Variants in DNAH17 observed in about 807,000 individuals in gnomAD.
The protein encoded by DNAH17 is dynein axonemal heavy chain 17.
In DNAH17, 376 loss-of-function variants were observed where a neutral mutation model predicts 485.6. That is an observed-to-expected ratio of 0.77 (90% CI 0.71 to 0.84). The LOEUF is 0.84. DNAH17 is among the 40% of genes least tolerant of loss of function. The pLI is 0.00. For synonymous variants in DNAH17, 3,031 were observed against 2,405.9 expected, an observed-to-expected ratio of 1.26 and a Z score of -7.60; for missense variants, 6,370 against 5,839.3, an observed-to-expected ratio of 1.09 and a Z score of -2.96.
At chr17:78,546,235 G>A (rs1012277889) in intron 16 of DNAH17, among the ~76,000 whole-genome samples, 1 of 152,164 alleles carries the variant, frequency 6.6e-6, no homozygotes, top group Admixed American at 6.5e-5. Context: ...TGTGAGAACT[G>A]CCATCTTTTA....
chr17:78,427,212 AGAG>A (rs1301764690), intron 77 of DNAH17, 104 bp from the exon 78 acceptor site: 3 of 1,142,666 alleles, frequency 2.6e-6, no homozygotes, highest in Non-Finnish European at 3.8e-6. Context: ...CAAGTCCTGG[AGAG>A]GAGGGAAGAG....
At chr17:78,478,219 CACCACATCACCATCACCACCATCAT>C (rs2089166818) in intron 51 of DNAH17, among the ~76,000 whole-genome samples, 1 of 148,522 alleles carries the variant, frequency 6.7e-6, no homozygotes, top group African/African-American at 2.5e-5. Flanking sequence ...CCACCATCAT[CACCACATCACCATCACCACCATCAT>C]CACCACCATC....
chr17:78,431,359 C>T (rs77641301), intron 75 of DNAH17, among the ~76,000 whole-genome samples: 168 of 152,260 alleles, frequency 1.1e-3, no homozygotes, highest in African/African-American at 3.9e-3. Flanking sequence ...CCCCTCTCCC[C>T]CTCCTGGCCC....
intron 80 of DNAH17, 41 bp from the exon 81 acceptor site, chr17:78,424,194 T>C: frequency 1.3e-6 from 2 of 1,573,926 alleles, no homozygotes; most frequent in Non-Finnish European, 1.7e-6. Flanking sequence ...GTGCTGCCAG[T>C]AAGTGAGGGA....
intron 16 of DNAH17, among the ~76,000 whole-genome samples, chr17:78,545,950 CTG>C (rs1345173841): frequency 1.3e-5 from 2 of 150,278 alleles, no homozygotes; most frequent in Non-Finnish European, 3.0e-5. Flanking sequence ...GTATATATGT[CTG>C]TGAATAAGAC....
Position 78,507,722 on chromosome 17 carries a change from C to T in DNAH17, c.4320G>A (p.Lys1440=). 1 of 1,606,548 alleles carries T rather than the reference C, an allele frequency of 6.2e-7. No individual in the cohort carries two copies. The highest frequency in any genetic ancestry group is 8.5e-7 in the Non-Finnish European group (1 of 1,179,310). ...GCGTCTCCACCAGCACCTCGCTGGACTTGAGCATCATGGTGCCTGTCCGCG... is the reference window on the plus strand; with the variant it reads ...GCGTCTCCACCAGCACCTCGCTGGATTTGAGCATCATGGTGCCTGTCCGCG... ...PHPRTGTMML[K]SSEVLVETLE... is the part of the protein sequence containing the mutation. The change falls in exon 28 of 81, where the codon AAG becomes AAA. Residue 1440 remains lysine, a synonymous_variant. Coordinates refer to ENST00000389840, the MANE Select transcript of DNAH17 (RefSeq NM_173628.4).
At chr17:78,559,583 T>TC (rs2092106750) in intron 13 of DNAH17, among the ~76,000 whole-genome samples, 1 of 152,148 alleles carries the variant, frequency 6.6e-6, no homozygotes, top group Non-Finnish European at 1.5e-5. Context: ...GCCAACAGGC[T>TC]CCCAACTGAT....
chr17:78,518,348 T>G (rs1443327582), intron 25 of DNAH17, among the ~76,000 whole-genome samples: 1 of 151,856 alleles, frequency 6.6e-6, no homozygotes, highest in Non-Finnish European at 1.5e-5. Context: ...CAGAAGTAGC[T>G]ATACTAGTAT....
chr17:78,564,476 C>T (rs2092227318), intron 11 of DNAH17, among the ~76,000 whole-genome samples: 1 of 151,942 alleles, frequency 6.6e-6, no homozygotes, highest in Non-Finnish European at 1.5e-5. Flanking sequence ...GCCCGCCCAG[C>T]CCATAAGCCT....
At chr17:78,556,704 A>C (rs2092030812) in intron 14 of DNAH17, among the ~76,000 whole-genome samples, 1 of 152,208 alleles carries the variant, frequency 6.6e-6, no homozygotes, top group African/African-American at 2.4e-5. Context: ...CTGATTGTAC[A>C]GGGATGTTTG....
rs118015264 is a variant in DNAH17, at chr17:78,501,883, A to G, written c.5191-10T>C. The G allele has an allele frequency of 2.5e-3, 3,991 of 1,613,788 alleles. 97 individuals are homozygous for G. In the East Asian group the frequency reaches 0.052, roughly 21 times the overall value. On this transcript the variant is annotated splice_polypyrimidine_tract_variant and intron_variant, in intron 33 of 80. Coordinates refer to ENST00000389840, the MANE Select transcript of DNAH17 (RefSeq NM_173628.4). ...CGTTCAGCTGGCTAATCTGCGGGGG[A>G]GAGTGCCTTCGATGAGACACCACGG...
chr17:78,562,144 G>A (rs2092170863), intron 11 of DNAH17, among the ~76,000 whole-genome samples, 164 bp from the exon 12 acceptor site: 1 of 152,354 alleles, frequency 6.6e-6, no homozygotes, highest in African/African-American at 2.4e-5. Flanking sequence ...AACTGGCTCA[G>A]TGGAAGCCTC....
chr17:78,562,771 CT>C (rs2092184751), intron 11 of DNAH17, among the ~76,000 whole-genome samples: 1 of 152,236 alleles, frequency 6.6e-6, no homozygotes, highest in Non-Finnish European at 1.5e-5. Flanking sequence ...AGCACTGCCA[CT>C]CTCAAGGGCA....
chr17:78,446,060 G>C (rs1421998775), intron 69 of DNAH17, among the ~76,000 whole-genome samples: 1 of 150,346 alleles, frequency 6.7e-6, no homozygotes, highest in Non-Finnish European at 1.5e-5. Flanking sequence ...TGTAGTCCTA[G>C]CTACTCGGGA....
intron 56 of DNAH17, 101 bp from the exon 57 acceptor site, chr17:78,463,178 A>C (rs781512730): frequency 5.6e-6 from 6 of 1,070,832 alleles, no homozygotes; most frequent in African/African-American, 1.6e-5. Context: ...AGGTGCCCTG[A>C]GACCGCTCTC....
chr17:78,476,678 A>T lies in DNAH17; in HGVS notation c.8048T>A (p.Leu2683His), dbSNP rs553690445. Residue 2683 changes from leucine to histidine, a missense_variant, in exon 52 of 81, where the codon CTT (leucine) becomes CAT (histidine). Coordinates refer to ENST00000389840, the MANE Select transcript of DNAH17 (RefSeq NM_173628.4). ...VLKTPLDLVR[L>H]WLHETERVYG... The stretch of plus-strand genomic sequence containing the variant: ...CACTCGTTCAGTCTCATGTAGCCAA[A>T]GGCGGACGAGGTCCAGTGGGGTTTT... 28 of 1,613,038 alleles carry T rather than the reference A, an allele frequency of 1.7e-5. No homozygotes were observed. Among genetic ancestry groups the T allele is most frequent in the Middle Eastern group, 1.7e-4 (1 of 6,060 alleles).
intron 23 of DNAH17, 39 bp from the exon 24 acceptor site, chr17:78,526,776 C>T (rs746477371): frequency 1.1e-5 from 18 of 1,570,978 alleles, no homozygotes; most frequent in African/African-American, 2.7e-5. Flanking sequence ...AGTCACGGGG[C>T]GGCCACCTGC....
chr17:78,436,593 C>T (rs2086856885), intron 74 of DNAH17, among the ~76,000 whole-genome samples: 1 of 151,994 alleles, frequency 6.6e-6, no homozygotes. Flanking sequence ...ACAAGAGTGG[C>T]CAAGATTTGG....
Position 78,432,208 on chromosome 17 carries a change from T to TAAATAAATA in DNAH17, c.12225+1820_12225+1821insTATTTATTT, listed in dbSNP as rs1568042479. On this transcript the variant is annotated intron_variant, in intron 75 of 80. Transcript: ENST00000389840. ...TAAATAAATAAATAAATAAATAAAA[T>TAAATAAATA]AAATAAAAATTAAAAAAAAAATTCT... Among the ~76,000 whole-genome samples the TAAATAAATA allele has an allele frequency of 7.8e-3, 1,149 of 146,878 alleles. 7 individuals are homozygous for TAAATAAATA. The highest frequency in any genetic ancestry group is 0.029 in the Middle Eastern group (8 of 278).
Sources: gnomAD v4.1 joint callset for allele counts (sites outside exome capture counted in the v4.1 genomes callset) on GRCh38, gnomAD v4.1.1 for gene constraint, MANE v1.5 for transcripts, NCBI Gene and HGNC (gene_info 2026-07-23, HGNC 2026-07-21) for gene names.